ZNF723: variants seen among roughly 807,000 people sequenced by gnomAD.
ZNF723 encodes the protein zinc finger protein 723, pseudogene.
Under a neutral mutation model 9.4 loss-of-function variants are expected in ZNF723, and 5 were observed. The ratio of observed to expected loss-of-function variants is 0.53; its 90% confidence interval spans 0.28 to 1.12. The LOEUF is 1.12. ZNF723 is among the 50% of genes most tolerant of loss of function. The pLI, the probability that ZNF723 is intolerant of heterozygous loss-of-function variation, is 0.10. For synonymous variants in ZNF723, 158 were observed against 168.8 expected, an observed-to-expected ratio of 0.94 and a Z score of 0.49; for missense variants, 450 against 501.5, an observed-to-expected ratio of 0.90 and a Z score of 0.98.
At chr19:22,841,675 A>T (rs2145214244) in intron 1 of ZNF723, among the ~76,000 whole-genome samples, 1 of 152,216 alleles carries the variant, frequency 6.6e-6, no homozygotes, top group South Asian at 2.1e-4. Flanking sequence ...CACCTCTTTT[A>T]GTGACTGTTG....
chr19:22,853,233 T>G lies in ZNF723; in HGVS notation c.227-3885T>G, dbSNP rs78726686. ...TTAATTCTGTAGCTCGTAATGTGTT[T>G]TGAAATCAGGAACTGTAATGCCTTC... On this transcript the variant is annotated intron_variant, in intron 3 of 3. Coordinates refer to ENST00000600766, the MANE Select transcript of ZNF723 (RefSeq NM_001349726.2). Among the ~76,000 whole-genome samples, 1,102 of 152,230 alleles carry G rather than the reference T, an allele frequency of 7.2e-3. 15 individuals are homozygous for G. The highest frequency in any genetic ancestry group is 0.025 in the African/African-American group (1,060 of 41,586).
At chr19:22,841,882 CA>C (rs1253972616) in intron 1 of ZNF723, among the ~76,000 whole-genome samples, 5 of 148,872 alleles carry the variant, frequency 3.4e-5, no homozygotes, top group South Asian at 2.1e-4. Context: ...ATCTGGGAAC[CA>C]AAAAAAAAGA....
chr19:22,858,284 T>G lies in ZNF723; in HGVS notation c.1393T>G (p.Tyr465Asp), dbSNP rs1967513226. The change falls in exon 4 of 4, where the codon TAT (tyrosine) becomes GAT (aspartate). Residue 465 changes from tyrosine to aspartate, a missense_variant. Coordinates refer to ENST00000600766, the MANE Select transcript of ZNF723 (RefSeq NM_001349726.2). ...AGAATGTGGCAAAGCTTTTAACCAA[T>G]ATTCAACCCTTAATAAACATAAGAT... ...CEECGKAFNQYSTLNKHKIIH... is the reference protein window; with the variant it reads ...CEECGKAFNQDSTLNKHKIIH... The G allele has an allele frequency of 3.2e-6, 4 of 1,245,828 alleles. No homozygotes were observed. Among genetic ancestry groups the G allele is most frequent in the Admixed American group, 1.7e-5 (1 of 58,342 alleles). 77.2% of individuals were successfully genotyped at this position (1,245,828 alleles called of 1,614,324 possible).
At chr19:22,843,202 A>G (rs1967270273) in intron 1 of ZNF723, among the ~76,000 whole-genome samples, 1 of 152,198 alleles carries the variant, frequency 6.6e-6, no homozygotes. Context: ...TTTTTTGTTT[A>G]GAATTAGCCT....
the ZNF723 span, among the ~76,000 whole-genome samples, chr19:22,812,379 A>G: frequency 6.6e-6 from 1 of 152,204 alleles, no homozygotes; most frequent in Non-Finnish European, 1.5e-5. Flanking sequence ...AATGCAGTCT[A>G]CAGTTGAAAT....
At chr19:22,816,356 G>T in the ZNF723 span, among the ~76,000 whole-genome samples, 1 of 152,158 alleles carries the variant, frequency 6.6e-6, no homozygotes, top group Non-Finnish European at 1.5e-5. Context: ...TTCACAGATG[G>T]GTTGGTGACT....
At chr19:22,852,850 T>C (rs536343812) in intron 3 of ZNF723, among the ~76,000 whole-genome samples, 110 of 152,272 alleles carry the variant, frequency 7.2e-4, no homozygotes, top group Non-Finnish European at 8.7e-4. Flanking sequence ...TGCCACTATG[T>C]TTTCTGTTTT....
At chr19:22,845,003 C>T (rs1967290523) in intron 1 of ZNF723, among the ~76,000 whole-genome samples, 2 of 152,104 alleles carry the variant, frequency 1.3e-5, no homozygotes, top group South Asian at 4.1e-4. Context: ...CCTGTAGTCC[C>T]AGCTACTTGG....
chr19:22,839,022 C>T lies in ZNF723; in HGVS notation c.3+6640C>T, dbSNP rs535382821. Among the ~76,000 whole-genome samples, 27 of 152,288 alleles carry T rather than the reference C, an allele frequency of 1.8e-4. 1 individual carries two copies. In the East Asian group the frequency reaches 4.5e-3, roughly 25 times the overall value. Reference sequence around the variant, plus strand: ...TCGGCCTCCCAAAATGCTGGGATTACGGGCATGAGCCACCACGCCCGGCCT... The same window carrying T: ...TCGGCCTCCCAAAATGCTGGGATTATGGGCATGAGCCACCACGCCCGGCCT... On this transcript the variant is annotated intron_variant, in intron 1 of 3. Coordinates refer to ENST00000600766, the MANE Select transcript of ZNF723 (RefSeq NM_001349726.2).
In ZNF723 at chr19:22,857,587, A is replaced by G; in HGVS notation, c.696A>G (p.Glu232=). 7.4e-7 allele frequency: 1 copy of G among 1,344,722 alleles called. No individual in the cohort carries two copies. Among genetic ancestry groups the G allele is most frequent in the East Asian group, 2.3e-5 (1 of 43,604 alleles). 83.3% of individuals were successfully genotyped at this position (1,344,722 alleles called of 1,614,324 possible). Residue 232 remains glutamate (E), a synonymous_variant, in exon 4 of 4, where the codon GAA becomes GAG. Transcript: ENST00000600766. ...IHTGEKPYKC[E]ECGKAFNVSS... is the part of the protein sequence containing the mutation. ...CTGGAGAGAAACCCTACAAATGTGA[A>G]GAATGTGGCAAAGCCTTTAATGTGT...
At position 22,857,491 on chromosome 19, in the gene ZNF723, T is replaced by C; in HGVS notation, c.600T>C (p.Cys200=). 3.4e-6 allele frequency: 4 copies of C among 1,159,690 alleles called. No individual in the cohort carries two copies. Among genetic ancestry groups the C allele is most frequent in the Non-Finnish European group, 5.2e-6 (4 of 770,630 alleles). The allele number at this position is 1,159,690 out of a possible 1,614,324, so 71.8% of individuals were successfully genotyped here. A position where few individuals can be genotyped will look rare whatever the true frequency, so the allele number is the denominator to read the frequency against. ...KHERNHTRVN[C]YKCEECGKAF... is the part of the protein sequence containing the mutation. ...AAAGAAATCATACTAGAGTGAATTG[T>C]TACAAATGTGAAGAATGTGGCAAAG... Residue 200 remains cysteine (C), a synonymous_variant, in exon 4 of 4, where the codon TGT becomes TGC. Coordinates refer to ENST00000600766, the MANE Select transcript of ZNF723 (RefSeq NM_001349726.2).
At chr19:22,818,946 C>G in the ZNF723 span, among the ~76,000 whole-genome samples, 1 of 152,114 alleles carries the variant, frequency 6.6e-6, no homozygotes, top group Non-Finnish European at 1.5e-5. Context: ...GGAATTGTGA[C>G]ATATCTCTGC....
intron 3 of ZNF723, among the ~76,000 whole-genome samples, chr19:22,853,104 A>C (rs527515344): frequency 1.3e-5 from 2 of 152,066 alleles, no homozygotes; most frequent in South Asian, 4.1e-4. Context: ...AATTATAGAT[A>C]TGCAAATAGC....
intron 1 of ZNF723, among the ~76,000 whole-genome samples, chr19:22,842,281 A>G (rs115946895): frequency 0.01 from 1,577 of 152,320 alleles, 29 homozygotes; most frequent in African/African-American, 0.036. Flanking sequence ...CTGGAAAATT[A>G]CAGGCATGAG....
chr19:22,853,450 G>T (rs904580752), intron 3 of ZNF723, among the ~76,000 whole-genome samples: 1 of 152,010 alleles, frequency 6.6e-6, no homozygotes, highest in Non-Finnish European at 1.5e-5. Context: ...TTGAATAGAT[G>T]CATTCTCCAG....
chr19:22,849,608 A>G (rs1167987065), intron 3 of ZNF723, among the ~76,000 whole-genome samples: 1 of 152,096 alleles, frequency 6.6e-6, no homozygotes, highest in Non-Finnish European at 1.5e-5. Flanking sequence ...ATATCTGCAT[A>G]ATTTTATAAA....
intron 1 of ZNF723, among the ~76,000 whole-genome samples, chr19:22,833,575 A>C (rs1967125406): frequency 1.3e-5 from 2 of 152,064 alleles, no homozygotes; most frequent in South Asian, 4.1e-4. Context: ...TGACAATTCC[A>C]AACGCTAACT....
chr19:22,817,362 C>T, the ZNF723 span, among the ~76,000 whole-genome samples: 1 of 152,184 alleles, frequency 6.6e-6, no homozygotes, highest in Non-Finnish European at 1.5e-5. Context: ...AAGCTCCTGC[C>T]TAGGCTATGC....
chr19:22,824,687 G>A, the ZNF723 span, among the ~76,000 whole-genome samples: 2 of 151,514 alleles, frequency 1.3e-5, no homozygotes, highest in Non-Finnish European at 2.9e-5. Context: ...TGCACACCCA[G>A]CCAATAGTTA....
Sources: allele counts gnomAD v4.1 joint callset (sites outside exome capture counted in the v4.1 genomes callset), GRCh38; gene constraint gnomAD v4.1.1; transcripts MANE v1.5; gene names NCBI Gene and HGNC (gene_info 2026-07-23, HGNC 2026-07-21).